The following CIITA variants were observed in gnomAD, a reference collection of about 807,000 sequenced individuals.
CIITA encodes the protein MHC class II transactivator.
In CIITA, 72 loss-of-function variants were observed where a neutral mutation model predicts 115.1. That is an observed-to-expected ratio of 0.63 (90% CI 0.52 to 0.76). CIITA has a LOEUF of 0.76. Among genes scored for constraint, CIITA ranks in the 30% least tolerant of loss-of-function variants. The pLI is 0.00. For synonymous variants in CIITA, 763 were observed against 635.6 expected (o/e 1.20, Z -3.02); for missense variants, 1,617 against 1,463.8 (o/e 1.10, Z -1.71).
In CIITA at chr16:10,909,095, T is replaced by G. The variant is rs2039378740; in HGVS notation, c.2724T>G (p.Leu908=). The G allele has an allele frequency of 6.2e-7, 1 of 1,614,096 alleles. No homozygotes were observed. The highest frequency in any genetic ancestry group is 8.5e-7 in the Non-Finnish European group (1 of 1,179,986). ...AGCAGCATGGGGAGACCAAGCTACT[T>G]CAGGCAGCAGAGGAGAAGTTCACCA... ...SLQQHGETKL[L]QAAEEKFTIE... is the part of the protein sequence containing the mutation. The change falls in exon 12 of 20, where the codon CTT becomes CTG. Residue 908 remains leucine, a synonymous_variant. Transcript: ENST00000324288.
At position 10,907,545 on chromosome 16, in the gene CIITA, G is replaced by C. The variant is rs148144155; in HGVS notation, c.2053G>C (p.Val685Leu). Residue 685 changes from valine to leucine, a missense_variant, in exon 11 of 20, where the codon GTG becomes CTG. By Grantham distance (32) the Val-to-Leu change is conservative. Transcript: ENST00000324288. The surrounding 1 kb of genome is among the most constrained non-coding windows in gnomAD (Gnocchi z 5.0). ...GGAGGACCAGTTCCCATCCGCAGAC[G>C]TGAGGACCTGGGCGATGGCCAAAGG... ...LQEDQFPSAD[V>L]RTWAMAKGLV... 1.2e-6 allele frequency: 2 copies of C among 1,614,068 alleles called. No individual in the cohort carries two copies. Among genetic ancestry groups the C allele is most frequent in the Non-Finnish European group, 1.7e-6 (2 of 1,180,046 alleles).
At chr16:10,899,508 T>C (rs1446497906) in intron 5 of CIITA, among the ~76,000 whole-genome samples, 3 of 152,260 alleles carry the variant, frequency 2.0e-5, no homozygotes, top group Admixed American at 6.5e-5. Context: ...AGTTTAGCAC[T>C]CATTACCATC....
rs997856372 is a variant in CIITA at position 10,866,993 on chromosome 16, C to G, written c.-21+674C>G. Among the ~76,000 whole-genome samples, 8 of 152,208 alleles carry G rather than the reference C, an allele frequency of 5.3e-5. 1 individual carries two copies. Among genetic ancestry groups the G allele is most frequent in the Admixed American group, 1.3e-4 (2 of 15,280 alleles). On this transcript the variant is annotated intron_variant, in intron 1 of 5. Transcript: ENST00000636238. ...GGGTGCACTGGCTCACGCCTGTAAT[C>G]CCAGCATTTTGGGAGGCCAAGGCAG...
chr16:10,911,366 G>C (rs58454869), intron 13 of CIITA, among the ~76,000 whole-genome samples: 8,844 of 56,954 alleles, frequency 0.16, 335 homozygotes, highest in Middle Eastern at 0.21. Context: ...CTTTCTCTCT[G>C]TTTCTTTCTT....
chr16:10,900,369 C>A (rs1323412970), intron 5 of CIITA, among the ~76,000 whole-genome samples: 1 of 152,190 alleles, frequency 6.6e-6, no homozygotes, highest in Non-Finnish European at 1.5e-5. Context: ...TCTTCAGCAG[C>A]TTCTTTATTT....
intron 13 of CIITA, chr16:10,915,073 G>A (rs1309542892): frequency 2.2e-6 from 1 of 454,978 alleles, no homozygotes; most frequent in Non-Finnish European, 4.4e-6. Flanking sequence ...TCTTTTTTGA[G>A]ACAGGGTCTC....
intron 1 of CIITA, among the ~76,000 whole-genome samples, chr16:10,877,700 C>T (rs967731118): frequency 2.0e-5 from 3 of 152,278 alleles, no homozygotes; most frequent in East Asian, 1.9e-4. Context: ...AAGGTCTTCT[C>T]GCCTCCCTTT....
At chr16:10,883,151 C>T (rs954082637) in intron 1 of CIITA, among the ~76,000 whole-genome samples, 1 of 152,074 alleles carries the variant, frequency 6.6e-6, no homozygotes, top group African/African-American at 2.4e-5. Context: ...CCGGATGGGT[C>T]AGGACTGGAG....
rs2041110396 is a variant in CIITA at position 10,942,075 on chromosome 16, G to A, written n.1201G>A. On this transcript the variant is annotated non_coding_transcript_exon_variant, in exon 2 of 2. Coordinates refer to the CIITA transcript ENST00000573379. The surrounding 1 kb of genome is among the most constrained non-coding windows in gnomAD (Gnocchi z 5.0). ...AGCCGCTGCGGCGCCCGGGCGGCCGGCGAGGGCACAGCGCAGCCATCCAGG... is the reference window on the plus strand; with the variant it reads ...AGCCGCTGCGGCGCCCGGGCGGCCGACGAGGGCACAGCGCAGCCATCCAGG... The A allele has an allele frequency of 7.8e-7, 1 of 1,278,296 alleles. No individual in the cohort carries two copies. The highest frequency in any genetic ancestry group is 1.0e-6 in the Non-Finnish European group (1 of 997,628). The allele number at this position is 1,278,296 out of a possible 1,614,324, so 79.2% of individuals were successfully genotyped here.
At chr16:10,873,086 T>C (rs921210952), upstream of CIITA, among the ~76,000 whole-genome samples, 8 of 152,234 alleles carry the variant, frequency 5.3e-5, no homozygotes, top group Admixed American at 2.6e-4. Flanking sequence ...CATCCTCCCA[T>C]CTCAGCCTCC....
rs904630686 is a variant in CIITA at position 10,879,860 on chromosome 16, G to A, written c.52+2478G>A. Reference sequence around the variant, plus strand: ...TTAGTCTGGAACTCTTAAAAGCCGCGGTCCTCCTGAGTCCCACAGCCCCTC... The same window carrying A: ...TTAGTCTGGAACTCTTAAAAGCCGCAGTCCTCCTGAGTCCCACAGCCCCTC... On this transcript the variant is annotated intron_variant, in intron 1 of 19. Transcript: ENST00000324288. This position sits in a 1 kb window ranked among gnomAD's most constrained non-coding sequence, Gnocchi z 4.3. Among the ~76,000 whole-genome samples the A allele has an allele frequency of 4.6e-5, 7 of 152,206 alleles. No individual in the cohort carries two copies. The highest frequency in any genetic ancestry group is 1.7e-4 in the African/African-American group (7 of 41,522).
intron 1 of CIITA, among the ~76,000 whole-genome samples, chr16:10,888,010 G>C (rs2037136103): frequency 6.6e-6 from 1 of 152,206 alleles, no homozygotes; most frequent in Non-Finnish European, 1.5e-5. Flanking sequence ...GCCGTTAACA[G>C]TTGAAACAGA....
chr16:10,929,370 A>T lies in CIITA; in HGVS notation c.*5515A>T, dbSNP rs2040676521. ...TAAACATCCATCGCAGCTGCAAATA[A>T]TCAGAAGCCAAGGCCAGGCCATCGA... On this transcript the variant is annotated 3_prime_UTR_variant, in exon 20 of 20. Transcript: ENST00000324288. This position sits in a 1 kb window ranked among gnomAD's most constrained non-coding sequence, Gnocchi z 4.3. 2.0e-6 allele frequency: 2 copies of T among 985,774 alleles called. No homozygotes were observed. Among genetic ancestry groups the T allele is most frequent in the South Asian group, 9.4e-5 (2 of 21,294 alleles). 61.1% of individuals were successfully genotyped at this position (985,774 alleles called of 1,614,324 possible). A position where few individuals can be genotyped will look rare whatever the true frequency, so the allele number is the denominator to read the frequency against.
chr16:10,876,722 A>G (rs1165063320), upstream of CIITA, among the ~76,000 whole-genome samples: 7 of 152,238 alleles, frequency 4.6e-5, no homozygotes, highest in Admixed American at 4.6e-4. Context: ...TGGGATGAAA[A>G]TGACAGGTGG....
At position 10,933,219 on chromosome 16, in the gene CIITA, G is replaced by T. The variant is rs1025029030; in HGVS notation, c.*9364G>T. 7.2e-5 allele frequency: 11 copies of T among 152,396 alleles called. No individual in the cohort carries two copies. The highest frequency in any genetic ancestry group is 2.4e-4 in the African/African-American group (10 of 41,572). The allele number at this position is 152,396 out of a possible 1,614,324, so 9.4% of individuals were successfully genotyped here. ...GACAGAGGACGTGGCTGGCTGGCTG[G>T]TTTCTGTAGTCAGAATGACAGTTGG... On this transcript the variant is annotated 3_prime_UTR_variant, in exon 20 of 20. Transcript: ENST00000324288.
At chr16:10,913,170 T>TC (rs777063491) in intron 13 of CIITA, among the ~76,000 whole-genome samples, 49 of 152,248 alleles carry the variant, frequency 3.2e-4, no homozygotes, top group Admixed American at 5.9e-4. Context: ...GGAATACTTC[T>TC]CCCCAGATAT....
intron 1 of CIITA, among the ~76,000 whole-genome samples, chr16:10,884,213 T>C (rs2036704633): frequency 6.6e-6 from 1 of 152,204 alleles, no homozygotes; most frequent in Non-Finnish European, 1.5e-5. Context: ...AATTTTAATT[T>C]GTTTTCCACT....
At chr16:10,918,742 C>G (rs1160521398) in intron 16 of CIITA, among the ~76,000 whole-genome samples, 3 of 152,230 alleles carry the variant, frequency 2.0e-5, no homozygotes. Flanking sequence ...GGGAACCATC[C>G]TAATGGTCTA....
In CIITA at chr16:10,935,382, C is replaced by T. The variant is rs543657644; in HGVS notation, c.*11527C>T. 8.1e-4 allele frequency: 124 copies of T among 152,302 alleles called. No homozygotes were observed. Among genetic ancestry groups the T allele is most frequent in the African/African-American group, 2.6e-3 (109 of 41,572 alleles). 9.4% of individuals were successfully genotyped at this position (152,302 alleles called of 1,614,324 possible). A position where few individuals can be genotyped will look rare whatever the true frequency, so the allele number is the denominator to read the frequency against. ...CCGACAGTTGTTAATCTCTTTTTAACAAAGAATACAGGCCAAGGCCCTGTG... is the reference window on the plus strand; with the variant it reads ...CCGACAGTTGTTAATCTCTTTTTAATAAAGAATACAGGCCAAGGCCCTGTG... On this transcript the variant is annotated 3_prime_UTR_variant, in exon 20 of 20. Coordinates refer to ENST00000324288, the MANE Select transcript of CIITA (RefSeq NM_000246.4).
Sources: gnomAD v4.1 joint callset for allele counts (sites outside exome capture counted in the v4.1 genomes callset) on GRCh38, gnomAD v4.1.1 for gene constraint, Gnocchi (gnomAD v3.1) non-coding constraint, MANE v1.5 for transcripts, NCBI Gene and HGNC (gene_info 2026-07-23, HGNC 2026-07-21) for gene names.